The following SIDT1 variants were observed in gnomAD, a reference collection of about 807,000 sequenced individuals.
The protein encoded by SIDT1 is SID1 transmembrane family member 1.
In SIDT1, 101 loss-of-function variants were observed where a neutral mutation model predicts 107.5. The ratio of observed to expected loss-of-function variants is 0.94; its 90% CI spans 0.80 to 1.11. The LOEUF (loss-of-function observed/expected upper bound fraction) is 1.11, where lower values mean the gene tolerates loss of function less well. Ranked by LOEUF, SIDT1 falls within the 50% of genes least tolerant of loss-of-function variation. SIDT1 has a pLI of 0.00. For synonymous variants in SIDT1, 395 were observed against 398.2 expected (o/e 0.99, Z 0.10); for missense variants, 1,076 against 1,058.2 (o/e 1.02, Z -0.23).
intron 10 of SIDT1, among the ~76,000 whole-genome samples, chr3:113,600,923 C>G (rs1464563815): frequency 6.6e-6 from 1 of 152,154 alleles, no homozygotes; most frequent in Non-Finnish European, 1.5e-5. Context: ...ATTCTGAGGG[C>G]CAAAGTCTGC....
At position 113,603,000 on chromosome 3, in the gene SIDT1, T is replaced by C; in HGVS notation, c.1118-5T>C. ...TTGATGGCAGATGAGTTGTCTCTGT[T>C]TCAGATGAGTCAAGCTCCAGTCCTG... On this transcript the variant is annotated splice_polypyrimidine_tract_variant and splice_region_variant and intron_variant, in intron 11 of 24. Coordinates refer to ENST00000264852, the MANE Select transcript of SIDT1 (RefSeq NM_017699.3). The C allele has an allele frequency of 6.2e-7, 1 of 1,613,490 alleles. No homozygotes were observed.
intron 1 of SIDT1, among the ~76,000 whole-genome samples, chr3:113,554,553 C>T (rs551384219): frequency 3.3e-5 from 5 of 152,306 alleles, no homozygotes; most frequent in Non-Finnish European, 7.4e-5. Flanking sequence ...CCATGCAAGA[C>T]GTGCCTTTGC....
At chr3:113,632,117 A>T (rs760464365), downstream of SIDT1, among the ~76,000 whole-genome samples, 3 of 152,290 alleles carry the variant, frequency 2.0e-5, no homozygotes, top group Non-Finnish European at 2.9e-5. Context: ...CAAGTGCTAA[A>T]TAAAAACTAG....
intron 3 of SIDT1, among the ~76,000 whole-genome samples, chr3:113,576,140 T>G (rs1286571459): frequency 6.6e-6 from 1 of 152,240 alleles, no homozygotes; most frequent in Non-Finnish European, 1.5e-5. Flanking sequence ...CCCTCTATAC[T>G]ACCAATTTAT....
At chr3:113,613,332 C>G (rs1945883800) in intron 19 of SIDT1, among the ~76,000 whole-genome samples, 1 of 152,190 alleles carries the variant, frequency 6.6e-6, no homozygotes, top group Non-Finnish European at 1.5e-5. Context: ...ACTTCTGGCT[C>G]CCTGGAATTC....
chr3:113,559,182 G>T (rs993876554), intron 1 of SIDT1, among the ~76,000 whole-genome samples: 1 of 152,184 alleles, frequency 6.6e-6, no homozygotes, highest in Non-Finnish European at 1.5e-5. Flanking sequence ...ACATATGCAA[G>T]AATTTTCTTG....
At chr3:113,576,001 A>C (rs1942871356) in intron 3 of SIDT1, among the ~76,000 whole-genome samples, 2 of 152,194 alleles carry the variant, frequency 1.3e-5, no homozygotes, top group African/African-American at 4.8e-5. Context: ...CATGATCTTC[A>C]TGGCTAATGA....
At chr3:113,611,225 G>A (rs770664785) in intron 18 of SIDT1, 81 bp downstream of exon 18, 45 of 1,512,858 alleles carry the variant, frequency 3.0e-5, no homozygotes, top group Non-Finnish European at 4.0e-5. Flanking sequence ...CAAGTGAACG[G>A]GTTTGGATTA....
chr3:113,626,072 T>C (rs369088233), intron 23 of SIDT1, 30 bp from the exon 24 acceptor site: 13 of 1,454,050 alleles, frequency 8.9e-6, no homozygotes, highest in Non-Finnish European at 1.3e-5. Context: ...TGTGGGAATC[T>C]TGCCCATGTC....
intron 3 of SIDT1, among the ~76,000 whole-genome samples, chr3:113,569,171 A>G (rs919148004): frequency 9.3e-5 from 14 of 150,218 alleles, no homozygotes; most frequent in African/African-American, 3.4e-4. Context: ...GAAGCCAGAC[A>G]AAAGAAATGT....
Position 113,533,241 on chromosome 3 carries a change from C to G in SIDT1, c.220C>G (p.Gln74Glu), listed in dbSNP as rs200032917. ...TTTCAACTACACCAGCCAGCCCGAC[C>G]AGGTAAGACACTCGCTCCCCTCGCT... ...YSFNYTSQPD[Q>E]VTAVRVYVNS... The change falls in exon 1 of 25, where the codon CAG becomes GAG. Residue 74 changes from glutamine to glutamate, a missense_variant and splice_region_variant. Transcript: ENST00000264852. The G allele has an allele frequency of 1.3e-5, 19 of 1,467,268 alleles. No individual in the cohort carries two copies. The African/African-American group carries it at 2.6e-4, about 20-fold the overall frequency. 90.9% of individuals were successfully genotyped at this position (1,467,268 alleles called of 1,614,324 possible).
chr3:113,543,822 A>G (rs1939232191), intron 1 of SIDT1, among the ~76,000 whole-genome samples: 1 of 152,122 alleles, frequency 6.6e-6, no homozygotes, highest in Non-Finnish European at 1.5e-5. Context: ...ATTTTGTCCA[A>G]TTTGCTTTAT....
chr3:113,536,026 A>G (rs1464350081), intron 1 of SIDT1, among the ~76,000 whole-genome samples: 2 of 152,236 alleles, frequency 1.3e-5, no homozygotes, highest in African/African-American at 4.8e-5. Flanking sequence ...AATAACATAG[A>G]GGAATGACAT....
chr3:113,583,641 GA>G, intron 7 of SIDT1, 145 bp downstream of exon 7: 1 of 497,030 alleles, frequency 2.0e-6, no homozygotes, highest in East Asian at 2.8e-5. Flanking sequence ...AGATACTTGA[GA>G]AAAAAAACGA....
At chr3:113,632,643 G>C (rs549338368), downstream of SIDT1, 8 of 152,242 alleles carry the variant, frequency 5.3e-5, no homozygotes, top group Admixed American at 3.9e-4. Context: ...GAAATATTTG[G>C]GCTAGGCACT....
chr3:113,536,894 T>C (rs1938235844), intron 1 of SIDT1, among the ~76,000 whole-genome samples: 1 of 152,246 alleles, frequency 6.6e-6, no homozygotes, highest in South Asian at 2.1e-4. Context: ...AGGAGGGCTA[T>C]ACTGTGCAAA....
At chr3:113,583,378 G>T in intron 6 of SIDT1, 31 bp from the exon 7 acceptor site, 2 of 1,520,126 alleles carry the variant, frequency 1.3e-6, no homozygotes, top group Non-Finnish European at 1.8e-6. Flanking sequence ...CTTTCTTACC[G>T]CCTATCATAA....
chr3:113,563,910 A>G (rs1941668155), intron 1 of SIDT1, among the ~76,000 whole-genome samples: 1 of 152,146 alleles, frequency 6.6e-6, no homozygotes, highest in Non-Finnish European at 1.5e-5. Context: ...GTGCAGATAA[A>G]TGATACGATC....
At position 113,592,634 on chromosome 3, in the gene SIDT1, G is replaced by A. The variant is rs190776301; in HGVS notation, c.1002-371G>A. ...TTTTGAGATGGAGTCTCGCTCTGTC[G>A]CCCAATGCAGTGGCATGATCTCAGC... On this transcript the variant is annotated intron_variant, in intron 9 of 24. Transcript: ENST00000264852. The A allele has an allele frequency of 3.6e-5, 6 of 166,860 alleles. No homozygotes were observed. In the East Asian group the frequency reaches 4.8e-4, roughly 13 times the overall value. 10.3% of individuals were successfully genotyped at this position (166,860 alleles called of 1,614,324 possible). A position where few individuals can be genotyped will look rare whatever the true frequency, so the allele number is the denominator to read the frequency against.
Sources: allele counts gnomAD v4.1 joint callset (sites outside exome capture counted in the v4.1 genomes callset), GRCh38; gene constraint gnomAD v4.1.1; transcripts MANE v1.5; gene names NCBI Gene and HGNC (gene_info 2026-07-23, HGNC 2026-07-21).